The following SDHB variants were observed in gnomAD, a reference collection of about 807,000 sequenced individuals.
SDHB encodes succinate dehydrogenase [ubiquinone] iron-sulfur subunit, mitochondrial.
SDHB carries 21 observed loss-of-function variants against 39.7 expected under a neutral mutation model. That is an observed-to-expected ratio of 0.53 (90% CI 0.37 to 0.76). The LOEUF is 0.76. Ranked by LOEUF, SDHB falls within the 30% of genes least tolerant of loss-of-function variation. The probability of loss-of-function intolerance (pLI) is 0.00; values close to 1 mark genes in which losing one functional copy is unlikely to be tolerated. For synonymous variants in SDHB, 118 were observed against 117.0 expected (o/e 1.01, Z -0.06); for missense variants, 343 against 350.9 (o/e 0.98, Z 0.18).
chr1:17,053,514 C>T (rs1390687667), intron 1 of SDHB, among the ~76,000 whole-genome samples: 3 of 152,114 alleles, frequency 2.0e-5, no homozygotes, highest in Non-Finnish European at 4.4e-5. Context: ...AACCTCGCAC[C>T]CTTGAGGAAT....
At chr1:17,047,873 G>T (rs1273273341) in intron 1 of SDHB, among the ~76,000 whole-genome samples, 1 of 151,988 alleles carries the variant, frequency 6.6e-6, no homozygotes, top group Non-Finnish European at 1.5e-5. Context: ...AGAGATAGGG[G>T]TCTCACTGTG....
chr1:17,030,440 G>A (rs1570949786), intron 3 of SDHB, among the ~76,000 whole-genome samples: 1 of 152,130 alleles, frequency 6.6e-6, no homozygotes, highest in South Asian at 2.1e-4. Context: ...AAGAGGAGAA[G>A]AATGAACTAA....
chr1:17,021,985 T>C (rs1028150890), intron 7 of SDHB, among the ~76,000 whole-genome samples: 2 of 152,192 alleles, frequency 1.3e-5, no homozygotes, highest in Admixed American at 1.3e-4. Flanking sequence ...TGGCCTCTGA[T>C]GTGCAGGCAT....
intron 5 of SDHB, among the ~76,000 whole-genome samples, chr1:17,025,560 C>T (rs58499652): frequency 6.6e-6 from 1 of 151,938 alleles, no homozygotes; most frequent in East Asian, 1.9e-4. Context: ...TAGGTGCATA[C>T]CACCATGCCT....
chr1:17,023,810 G>A (rs557781753), intron 6 of SDHB, among the ~76,000 whole-genome samples, 163 bp downstream of exon 6: 7 of 152,316 alleles, frequency 4.6e-5, no homozygotes, highest in African/African-American at 1.2e-4. Context: ...CAGATTTACC[G>A]AAAGCAAGTG....
chr1:17,024,223 G>T, intron 5 of SDHB, 149 bp from the exon 6 acceptor site: 1 of 697,284 alleles, frequency 1.4e-6, no homozygotes, highest in Non-Finnish European at 2.6e-6. Flanking sequence ...GGGGTGATTT[G>T]CAGATATTTA....
At chr1:17,028,825 C>G (rs2101523638) in intron 3 of SDHB, 89 bp from the exon 4 acceptor site, 10 of 1,487,624 alleles carry the variant, frequency 6.7e-6, no homozygotes, top group Non-Finnish European at 9.3e-6. Context: ...CCTTGCTGTG[C>G]CATCAGGGGC....
At chr1:17,028,874 T>C (rs1258685341) in intron 3 of SDHB, 138 bp from the exon 4 acceptor site, 2 of 1,056,916 alleles carry the variant, frequency 1.9e-6, no homozygotes, top group Non-Finnish European at 2.9e-6. Context: ...GAGGTGCCTG[T>C]TGGCTTTTCT....
At chr1:17,029,378 C>T (rs968918390) in intron 3 of SDHB, among the ~76,000 whole-genome samples, 1 of 151,692 alleles carries the variant, frequency 6.6e-6, no homozygotes, top group East Asian at 1.9e-4. Flanking sequence ...CTGCCTTGGC[C>T]TCCCGAAGCA....
intron 7 of SDHB, among the ~76,000 whole-genome samples, chr1:17,022,135 C>A (rs577755157): frequency 3.3e-5 from 5 of 152,240 alleles, no homozygotes; most frequent in African/African-American, 1.2e-4. Flanking sequence ...GCAGCAAATG[C>A]GAGCAGGAAG....
intron 2 of SDHB, among the ~76,000 whole-genome samples, chr1:17,035,718 G>C (rs1030997387): frequency 2.6e-5 from 4 of 151,924 alleles, no homozygotes; most frequent in Non-Finnish European, 5.9e-5. Flanking sequence ...AAATTAGCTG[G>C]GTGTGGTTGC....
rs186768244 is a variant in SDHB, at chr1:17,022,664, G to A, written c.709C>T (p.Pro237Ser). The change falls in exon 7 of 8, where the codon CCA becomes TCA. Residue 237 changes from proline (P) to serine (S), a missense_variant. Transcript: ENST00000375499. Reference protein sequence around the residue: ...TEERLAKLQDPFSLYRCHTIM... With the variant: ...TEERLAKLQDSFSLYRCHTIM... ...GTGTGGCAGCGGTATAGAGAGAATG[G>A]GTCCTGCAGCTTGGCCAGGCGCTCC... The A allele has an allele frequency of 2.2e-5, 35 of 1,614,046 alleles. No individual in the cohort carries two copies. In the East Asian group the frequency reaches 7.4e-4, roughly 34 times the overall value.
chr1:17,021,198 G>A (rs953352789), intron 7 of SDHB, among the ~76,000 whole-genome samples: 1 of 152,206 alleles, frequency 6.6e-6, no homozygotes, highest in Non-Finnish European at 1.5e-5. Flanking sequence ...AGTATTGAGA[G>A]GTGGGACCTT....
intron 5 of SDHB, 176 bp downstream of exon 5, chr1:17,027,573 C>T (rs1015310093): frequency 4.2e-5 from 27 of 640,602 alleles, no homozygotes; most frequent in South Asian, 2.3e-4. Context: ...GGGCCATTCA[C>T]GGGTTCACAC....
At position 17,034,715 on chromosome 1, in the gene SDHB, C is replaced by A. The variant is rs556532202; in HGVS notation, c.201-1570G>T. 3.9e-5 allele frequency among the ~76,000 whole-genome samples: 6 copies of A among 152,188 alleles called. No homozygotes were observed. In the East Asian group the frequency reaches 1.2e-3, roughly 29 times the overall value. ...ATTTGTATCAGCACTATGTAGACGT[C>A]CTTTCTGCTGGACCTCTGCTAACAC... On this transcript the variant is annotated intron_variant, in intron 2 of 7. Transcript: ENST00000375499.
intron 3 of SDHB, 76 bp downstream of exon 3, chr1:17,032,984 T>G: frequency 9.3e-7 from 1 of 1,074,868 alleles, no homozygotes; most frequent in Non-Finnish European, 1.4e-6. Flanking sequence ...TCCAGATGTC[T>G]CTATCAGCTT....
At chr1:17,032,161 C>A (rs572029480) in intron 3 of SDHB, among the ~76,000 whole-genome samples, 1 of 152,178 alleles carries the variant, frequency 6.6e-6, no homozygotes, top group South Asian at 2.1e-4. Flanking sequence ...CATTAAAAAA[C>A]CACTTATATC....
intron 4 of SDHB, 107 bp downstream of exon 4, chr1:17,028,493 G>T: frequency 8.6e-7 from 1 of 1,164,426 alleles, no homozygotes; most frequent in Non-Finnish European, 1.3e-6. Flanking sequence ...TAGAAGAGGA[G>T]CCTTAAATAC....
intron 1 of SDHB, chr1:17,045,189 G>A: frequency 2.5e-6 from 1 of 397,462 alleles, no homozygotes; most frequent in Non-Finnish European, 4.7e-6. Context: ...AATATAAAGA[G>A]CGATACTGTT....
Sources: gnomAD v4.1 joint callset for allele counts (sites outside exome capture counted in the v4.1 genomes callset) on GRCh38, gnomAD v4.1.1 for gene constraint, MANE v1.5 for transcripts, NCBI Gene and HGNC (gene_info 2026-07-23, HGNC 2026-07-21) for gene names.